ANKS1B: variants seen among roughly 807,000 people sequenced by gnomAD.
ANKS1B encodes ankyrin repeat and sterile alpha motif domain-containing protein 1B.
ANKS1B carries 36 observed loss-of-function variants against 148.3 expected under a neutral mutation model. The observed-to-expected ratio is 0.24, with a 90% CI of 0.19 to 0.32. The LOEUF is 0.32. Among genes scored for constraint, ANKS1B ranks in the 10% least tolerant of loss-of-function variants. The probability of loss-of-function intolerance (pLI) is 1.00; values close to 1 mark genes in which losing one functional copy is unlikely to be tolerated. For synonymous variants in ANKS1B, 542 were observed against 560.8 expected, an observed-to-expected ratio of 0.97 and a Z score of 0.47; for missense variants, 1,157 against 1,542.6, an observed-to-expected ratio of 0.75 and a Z score of 4.19.
At chr12:98,980,982 A>G (rs981509471) in intron 17 of ANKS1B, among the ~76,000 whole-genome samples, 1 of 152,124 alleles carries the variant, frequency 6.6e-6, no homozygotes, top group African/African-American at 2.4e-5. Context: ...GTTTGAAAAC[A>G]GCTGCACCAT....
chr12:99,692,837 T>G (rs2053324565), intron 8 of ANKS1B, among the ~76,000 whole-genome samples: 1 of 152,152 alleles, frequency 6.6e-6, no homozygotes, highest in Non-Finnish European at 1.5e-5. Flanking sequence ...CTACTTCGGA[T>G]AAGTTGTTTT....
chr12:99,303,908 T>C (rs1293428641), intron 12 of ANKS1B, among the ~76,000 whole-genome samples: 1 of 152,142 alleles, frequency 6.6e-6, no homozygotes, highest in African/African-American at 2.4e-5. Flanking sequence ...AGTTACTTCA[T>C]TTAGAATAAT....
At chr12:98,872,674 G>A (rs1224497328) in intron 17 of ANKS1B, among the ~76,000 whole-genome samples, 1 of 152,172 alleles carries the variant, frequency 6.6e-6, no homozygotes, top group Non-Finnish European at 1.5e-5. Context: ...AAAGTGAAAA[G>A]GGGGCCATCG....
intron 16 of ANKS1B, among the ~76,000 whole-genome samples, chr12:99,069,732 T>C (rs1014661681): frequency 1.3e-5 from 2 of 152,240 alleles, no homozygotes; most frequent in African/African-American, 4.8e-5. Flanking sequence ...AGTAGTTATC[T>C]ATTAACTGAA....
At chr12:99,812,511 CCACACACACACACACACACACACA>C (rs10539640) in intron 2 of ANKS1B, among the ~76,000 whole-genome samples, 200 bp from the exon 3 acceptor site, 3 of 126,034 alleles carry the variant, frequency 2.4e-5, no homozygotes, top group Admixed American at 8.4e-5. Flanking sequence ...TCACCCCATG[CCACACACACACACACACACACACA>C]CACACACACA....
At chr12:98,767,027 CA>C (rs1182066742) in intron 25 of ANKS1B, among the ~76,000 whole-genome samples, 1 of 150,842 alleles carries the variant, frequency 6.6e-6, no homozygotes, top group Non-Finnish European at 1.5e-5. Context: ...CTATGTTGCC[CA>C]GGCTGGTCTT....
At chr12:99,291,163 G>T (rs1425009124) in intron 12 of ANKS1B, among the ~76,000 whole-genome samples, 1 of 151,908 alleles carries the variant, frequency 6.6e-6, no homozygotes, top group South Asian at 2.1e-4. Flanking sequence ...AAAATACTTA[G>T]GAATAGACTT....
chr12:99,772,830 C>A, intron 8 of ANKS1B, 92 bp downstream of exon 8: 1 of 1,274,278 alleles, frequency 7.8e-7, no homozygotes, highest in South Asian at 1.9e-5. Context: ...GTGGCGGAAT[C>A]TGATAATGCA....
chr12:99,629,760 ATAAC>A (rs1329401544), intron 9 of ANKS1B, among the ~76,000 whole-genome samples: 1 of 152,102 alleles, frequency 6.6e-6, no homozygotes, highest in Non-Finnish European at 1.5e-5. Flanking sequence ...CAAAATATAA[ATAAC>A]TACCATTTAC....
chr12:99,258,731 T>C (rs10083057), intron 12 of ANKS1B, among the ~76,000 whole-genome samples: 2,692 of 151,890 alleles, frequency 0.018, 78 homozygotes, highest in African/African-American at 0.059. Flanking sequence ...CACATTGAGA[T>C]AGAAGTGTGA....
At chr12:99,839,701 A>G (rs78054461) in intron 1 of ANKS1B, among the ~76,000 whole-genome samples, 4,600 of 152,252 alleles carry the variant, frequency 0.03, 197 homozygotes, top group African/African-American at 0.098. Flanking sequence ...AATGAGTACT[A>G]TAATTACTAC....
chr12:99,286,823 A>G, intron 12 of ANKS1B, among the ~76,000 whole-genome samples: 1 of 152,172 alleles, frequency 6.6e-6, no homozygotes, highest in Non-Finnish European at 1.5e-5. Flanking sequence ...CTTCTTCTGC[A>G]TAGAGGAAAG....
chr12:98,858,588 C>T (rs1243150957), intron 17 of ANKS1B, among the ~76,000 whole-genome samples: 1 of 152,182 alleles, frequency 6.6e-6, no homozygotes, highest in East Asian at 1.9e-4. Context: ...GATCCGCTCG[C>T]CTCAGCTTCC....
rs1311241694 is a variant in ANKS1B at position 99,970,145 on chromosome 12, TA to T, written c.134+13958del. Among the ~76,000 whole-genome samples, 12 of 152,284 alleles carry T rather than the reference TA, an allele frequency of 7.9e-5. No homozygotes were observed. The East Asian group carries it at 2.1e-3, about 27-fold the overall frequency. The stretch of plus-strand genomic sequence containing the variant: ...CACATAAGAATGTTCTAGGGGGTTG[TA>T]AAATGCATATTTCCAGGCCTTACAC... On this transcript the variant is annotated intron_variant, in intron 1 of 26. Coordinates refer to ENST00000683438, the MANE Select transcript of ANKS1B (RefSeq NM_001352186.2).
rs758739073 is a variant in ANKS1B at position 99,773,081 on chromosome 12, G to A, written c.969C>T (p.Thr323=). The A allele has an allele frequency of 6.3e-6, 10 of 1,599,320 alleles. No homozygotes were observed. The highest frequency in any genetic ancestry group is 2.3e-5 in the South Asian group (2 of 88,128). ...AGAGTTTTGATAATTCTCCAGTGAC[G>A]GTTTCACCTATGAGAATAATTTTTT... is the stretch of plus-strand genomic sequence containing the variant. The part of the protein sequence containing the change: ...ESPSQKTKSE[T]VTGELSKLLD... The change falls in exon 8 of 27, where the codon ACC becomes ACT. Residue 323 remains threonine (T), a synonymous_variant. Transcript: ENST00000683438.
chr12:98,948,874 C>T (rs536377021), intron 17 of ANKS1B, among the ~76,000 whole-genome samples: 1 of 151,294 alleles, frequency 6.6e-6, no homozygotes, highest in Admixed American at 6.6e-5. Context: ...GACTTTCCAC[C>T]CTTTCTCTTT....
chr12:99,288,043 T>C (rs536973710), intron 12 of ANKS1B, among the ~76,000 whole-genome samples: 15 of 152,066 alleles, frequency 9.9e-5, no homozygotes, highest in African/African-American at 3.6e-4. Flanking sequence ...AATAAAGAAA[T>C]CAACTTACAA....
At chr12:99,307,284 T>G (rs2082485851) in intron 12 of ANKS1B, among the ~76,000 whole-genome samples, 1 of 152,022 alleles carries the variant, frequency 6.6e-6, no homozygotes, top group Admixed American at 6.6e-5. Context: ...CAGGTTTATA[T>G]GCAAAAATGT....
chr12:99,727,155 G>C (rs1284897505), intron 8 of ANKS1B, among the ~76,000 whole-genome samples: 1 of 152,080 alleles, frequency 6.6e-6, no homozygotes, highest in Non-Finnish European at 1.5e-5. Context: ...TCAGGCAAGA[G>C]AAAGAAGTAA....
Sources: allele counts gnomAD v4.1 joint callset (sites outside exome capture counted in the v4.1 genomes callset), GRCh38; gene constraint gnomAD v4.1.1; transcripts MANE v1.5; gene names NCBI Gene and HGNC (gene_info 2026-07-23, HGNC 2026-07-21).